Variants in LOXL2 observed in about 807,000 individuals in gnomAD.
LOXL2 encodes lysyl oxidase like 2, also known as lysyl oxidase homolog 2.
LOXL2 carries 70 observed loss-of-function variants against 93.0 expected under a neutral mutation model. The ratio of observed to expected loss-of-function variants is 0.75; its 90% confidence interval spans 0.62 to 0.92. The LOEUF is 0.92. Among genes scored for constraint, LOXL2 ranks in the 40% least tolerant of loss-of-function variants. The probability of loss-of-function intolerance (pLI) is 0.00; values close to 1 mark genes in which losing one functional copy is unlikely to be tolerated. For synonymous variants in LOXL2, 438 were observed against 413.2 expected, an observed-to-expected ratio of 1.06 and a Z score of -0.73; for missense variants, 973 against 1,054.9, an observed-to-expected ratio of 0.92 and a Z score of 1.08.
chr8:23,347,512 A>AG (rs1385368504), intron 3 of LOXL2, among the ~76,000 whole-genome samples: 2 of 151,922 alleles, frequency 1.3e-5, no homozygotes, highest in Non-Finnish European at 2.9e-5. Context: ...ACAAAAAAAA[A>AG]TTAGCCAGAC....
rs543921997 is a variant in LOXL2, at chr8:23,318,061, C to T, written c.1471-947G>A. On this transcript the variant is annotated intron_variant, in intron 8 of 13. Coordinates refer to ENST00000389131, the MANE Select transcript of LOXL2 (RefSeq NM_002318.3). ...GGTCAAACACTATTCTAGATGCTTA[C>T]GTGAGGCTGTTTTTAGATGAGATTA... Among the ~76,000 whole-genome samples, 7 of 112,354 alleles carry T rather than the reference C, an allele frequency of 6.2e-5. 1 individual carries two copies. The South Asian group carries it at 9.8e-4, about 16-fold the overall frequency. 73.7% of individuals were successfully genotyped at this position (112,354 alleles called of 152,430 possible). A position where few individuals can be genotyped will look rare whatever the true frequency, so the allele number is the denominator to read the frequency against.
chr8:23,317,385 T>C (rs1803420680), intron 8 of LOXL2, among the ~76,000 whole-genome samples: 1 of 152,196 alleles, frequency 6.6e-6, no homozygotes, highest in African/African-American at 2.4e-5. Flanking sequence ...TGCAAGGCTG[T>C]GTGTCAGGAA....
intron 10 of LOXL2, among the ~76,000 whole-genome samples, chr8:23,305,507 A>G (rs1490598456): frequency 9.6e-5 from 5 of 52,058 alleles, no homozygotes; most frequent in African/African-American, 3.8e-4. Context: ...GAGCCCCCCC[A>G]CACCCCCCGC....
At chr8:23,332,830 ACACACTCACCCCCG>A (rs1163381748) in intron 5 of LOXL2, among the ~76,000 whole-genome samples, 1 of 91,416 alleles carries the variant, frequency 1.1e-5, no homozygotes, top group African/African-American at 4.5e-5. Context: ...ATACACACCC[ACACACTCACCCCCG>A]CACACATACA....
chr8:23,306,678 CTG>C (rs1454263654), intron 10 of LOXL2, among the ~76,000 whole-genome samples: 1 of 152,256 alleles, frequency 6.6e-6, no homozygotes, highest in Non-Finnish European at 1.5e-5. Flanking sequence ...ACCCGGAGGA[CTG>C]TCATCTGAGC....
At chr8:23,346,662 A>G (rs1400791835) in intron 3 of LOXL2, among the ~76,000 whole-genome samples, 3 of 152,232 alleles carry the variant, frequency 2.0e-5, no homozygotes, top group Non-Finnish European at 2.9e-5. Flanking sequence ...AAGTTGCATC[A>G]GGGAAAGGTA....
chr8:23,355,512 C>CTTTTTTTT (rs58824822), intron 3 of LOXL2, among the ~76,000 whole-genome samples: 1 of 80,320 alleles, frequency 1.2e-5, no homozygotes, highest in Non-Finnish European at 2.3e-5. Flanking sequence ...TTGACATTCA[C>CTTTTTTTT]TTTTTTTTTT....
intron 1 of LOXL2, among the ~76,000 whole-genome samples, chr8:23,376,409 TTG>T (rs1350968440): frequency 6.6e-6 from 1 of 150,400 alleles, no homozygotes; most frequent in African/African-American, 2.4e-5. Context: ...TCTTTTTTTG[TTG>T]TGTCTCTGCC....
chr8:23,394,196 C>G (rs1258680057), intron 1 of LOXL2, among the ~76,000 whole-genome samples: 3 of 152,000 alleles, frequency 2.0e-5, no homozygotes, highest in Non-Finnish European at 1.5e-5. Flanking sequence ...AGTTCAAGAC[C>G]AGCCTGGCCA....
At chr8:23,329,501 C>A (rs568413983) in intron 5 of LOXL2, among the ~76,000 whole-genome samples, 25 of 152,328 alleles carry the variant, frequency 1.6e-4, no homozygotes, top group Non-Finnish European at 2.9e-4. Context: ...CTCCAGCTGT[C>A]CACATACCCA....
Position 23,371,499 on chromosome 8 carries a change from TC to T in LOXL2, c.-83-3066del, listed in dbSNP as rs748277622. On this transcript the variant is annotated intron_variant, in intron 1 of 13. Transcript: ENST00000389131. ...TGGGTGCAGTGGCTCACGCCTGTAA[TC>T]CCAGCACTTTGGGAGGCTGAGGCGG... Among the ~76,000 whole-genome samples the T allele has an allele frequency of 1.0e-3, 157 of 152,196 alleles. 1 individual carries two copies. The highest frequency in any genetic ancestry group is 1.9e-3 in the Non-Finnish European group (130 of 68,014).
At chr8:23,367,624 G>A (rs916817420) in intron 2 of LOXL2, among the ~76,000 whole-genome samples, 3 of 151,518 alleles carry the variant, frequency 2.0e-5, no homozygotes, top group Admixed American at 6.6e-5. Flanking sequence ...CTGGGCTGAC[G>A]CAGCCCCCAG....
intron 1 of LOXL2, among the ~76,000 whole-genome samples, chr8:23,392,519 C>T (rs1225105423): frequency 6.6e-6 from 1 of 152,196 alleles, no homozygotes; most frequent in Non-Finnish European, 1.5e-5. Context: ...TGGTGCTGAT[C>T]ACATGCCTCT....
At chr8:23,334,777 A>AATAG in intron 4 of LOXL2, among the ~76,000 whole-genome samples, 1 of 151,008 alleles carries the variant, frequency 6.6e-6, no homozygotes, top group Admixed American at 6.6e-5. Context: ...CAGAAGTAGT[A>AATAG]TCTGCTTCAC....
At chr8:23,311,626 G>T (rs77755347) in intron 9 of LOXL2, among the ~76,000 whole-genome samples, 2 of 152,122 alleles carry the variant, frequency 1.3e-5, no homozygotes, top group African/African-American at 2.4e-5. Flanking sequence ...GCCATGGGTT[G>T]GGGACTTGGC....
At chr8:23,396,319 A>AAAACAAAC (rs71548892) in intron 1 of LOXL2, among the ~76,000 whole-genome samples, 2,334 of 150,522 alleles carry the variant, frequency 0.016, 71 homozygotes, top group African/African-American at 0.054. Flanking sequence ...CTCAGTCTCA[A>AAAACAAAC]AAACAAACAA....
chr8:23,393,702 T>G (rs1314537358), intron 1 of LOXL2, among the ~76,000 whole-genome samples: 1 of 152,022 alleles, frequency 6.6e-6, no homozygotes, highest in African/African-American at 2.4e-5. Flanking sequence ...TTAAACTTTA[T>G]CAAAATAAAA....
intron 3 of LOXL2, among the ~76,000 whole-genome samples, chr8:23,344,254 G>A (rs914852181): frequency 6.6e-6 from 1 of 152,246 alleles, no homozygotes; most frequent in African/African-American, 2.4e-5. Flanking sequence ...GCTCCACGAT[G>A]AAGGCAATGC....
At chr8:23,403,308 G>A (rs1238056336) in intron 1 of LOXL2, among the ~76,000 whole-genome samples, 1 of 152,166 alleles carries the variant, frequency 6.6e-6, no homozygotes, top group African/African-American at 2.4e-5. Context: ...GGAGAGGCAG[G>A]GCGACTTGGG....
Sources: gnomAD v4.1 joint callset for allele counts (sites outside exome capture counted in the v4.1 genomes callset) on GRCh38, gnomAD v4.1.1 for gene constraint, MANE v1.5 for transcripts, NCBI Gene and HGNC (gene_info 2026-07-23, HGNC 2026-07-21) for gene names.